EPN2: variants seen among roughly 807,000 people sequenced by gnomAD.
EPN2 encodes the protein epsin 2, also known as epsin-2.
In EPN2, 34 loss-of-function variants were observed where a neutral mutation model predicts 61.7. The observed-to-expected ratio is 0.55, with a 90% CI of 0.42 to 0.73. The LOEUF (loss-of-function observed/expected upper bound fraction) is 0.73, where lower values mean the gene tolerates loss of function less well. Ranked by LOEUF, EPN2 falls within the 30% of genes least tolerant of loss-of-function variation. The pLI is 0.00. For synonymous variants in EPN2, 349 were observed against 353.6 expected (o/e 0.99, Z 0.15); for missense variants, 714 against 839.2 (o/e 0.85, Z 1.84).
At position 19,283,213 on chromosome 17, in the gene EPN2, C is replaced by CCGTG; in HGVS notation, c.95_98dup (p.Trp33CysfsTer35). ...AGTCCGGGAAGCCACCTCCAATGAC[C>CCGTG]CGTGGGGCCCGTCCAGTTCTCTGAT... On this transcript the variant is annotated frameshift_variant, in exon 3 of 11. Transcript: ENST00000314728. LOFTEE classifies it high-confidence loss of function. This position sits in a 1 kb window ranked among gnomAD's most constrained non-coding sequence, Gnocchi z 7.0. 1 of 1,614,116 alleles carries CCGTG rather than the reference C, an allele frequency of 6.2e-7. No individual in the cohort carries two copies. Among genetic ancestry groups the CCGTG allele is most frequent in the Non-Finnish European group, 8.5e-7 (1 of 1,180,022 alleles).
At chr17:19,299,304 G>T (rs1398031033) in intron 4 of EPN2, among the ~76,000 whole-genome samples, 1 of 152,226 alleles carries the variant, frequency 6.6e-6, no homozygotes, top group Non-Finnish European at 1.5e-5. Flanking sequence ...AGAGATAAAT[G>T]ATTATCTTTG....
chr17:19,309,952 T>G lies in EPN2; in HGVS notation c.834T>G (p.Leu278=). 1 of 1,609,180 alleles carries G rather than the reference T, an allele frequency of 6.2e-7. No homozygotes were observed. The highest frequency in any genetic ancestry group is 8.5e-7 in the Non-Finnish European group (1 of 1,180,006). ...CCCAGACTAGTGGAGAAGAGGAGCT[T>G]CAGCTGCAGCTGGCACTTGCCATGA... ...ARPQTSGEEE[L]QLQLALAMSR... The change falls in exon 5 of 11, where the codon CTT becomes CTG. Residue 278 remains leucine, a synonymous_variant. Transcript: ENST00000314728.
chr17:19,249,675 G>A (rs529993301), intron 1 of EPN2: 2 of 152,484 alleles, frequency 1.3e-5, no homozygotes, highest in Admixed American at 6.5e-5. Flanking sequence ...GCTCACAGAT[G>A]TGTTTTGTTT....
At position 19,329,565 on chromosome 17, in the gene EPN2, C is replaced by A; in HGVS notation, c.1329C>A (p.Ser443=). Residue 443 remains serine (S), a synonymous_variant, in exon 9 of 11, where the codon TCC becomes TCA. Transcript: ENST00000314728. ...STTKPVSVSG[S]FELFSNLNGT... ...TTGGCTTCTGTGTCCACCCAGGGTC[C>A]TTTGAGCTCTTCAGTAATCTGAATG... 6.2e-7 allele frequency: 1 copy of A among 1,609,820 alleles called. No individual in the cohort carries two copies. Among genetic ancestry groups the A allele is most frequent in the Non-Finnish European group, 8.5e-7 (1 of 1,176,580 alleles).
intron 4 of EPN2, among the ~76,000 whole-genome samples, chr17:19,304,524 G>A (rs969041557): frequency 2.0e-5 from 3 of 152,208 alleles, no homozygotes; most frequent in African/African-American, 7.2e-5. Context: ...TGTGTGTGAC[G>A]TGGAGGGTGG....
At chr17:19,293,295 G>A (rs960131757) in intron 4 of EPN2, among the ~76,000 whole-genome samples, 2 of 150,578 alleles carry the variant, frequency 1.3e-5, no homozygotes, top group East Asian at 2.0e-4. Flanking sequence ...TGGGAGATTC[G>A]CTTGAACCTG....
At chr17:19,309,724 A>G (rs1598013657) in intron 4 of EPN2, among the ~76,000 whole-genome samples, 161 bp from the exon 5 acceptor site, 1 of 152,242 alleles carries the variant, frequency 6.6e-6, no homozygotes, top group East Asian at 1.9e-4. Context: ...TTAACATTCA[A>G]ATATTTGTAA....
chr17:19,288,663 C>A (rs978320200), intron 4 of EPN2, among the ~76,000 whole-genome samples: 1 of 152,070 alleles, frequency 6.6e-6, no homozygotes, highest in Non-Finnish European at 1.5e-5. Flanking sequence ...TGGAGCGTGG[C>A]AGAGGTGGGC....
At chr17:19,237,981 C>G (rs1008862367) in intron 1 of EPN2, among the ~76,000 whole-genome samples, 4 of 152,242 alleles carry the variant, frequency 2.6e-5, no homozygotes, top group South Asian at 4.1e-4. Flanking sequence ...CGCCAGCCCC[C>G]GTGCAGAGCC....
intron 4 of EPN2, among the ~76,000 whole-genome samples, chr17:19,298,153 C>T (rs1329218335): frequency 2.0e-5 from 3 of 151,938 alleles, no homozygotes; most frequent in Non-Finnish European, 2.9e-5. Context: ...GGATTACAGG[C>T]GTGAGCCACC....
At chr17:19,240,646 C>G (rs2044874480) in intron 1 of EPN2, among the ~76,000 whole-genome samples, 1 of 152,190 alleles carries the variant, frequency 6.6e-6, no homozygotes, top group South Asian at 2.1e-4. Flanking sequence ...TCGGTGTAAA[C>G]AGACCTCTTC....
At chr17:19,325,065 A>G (rs1258994386) in intron 7 of EPN2, among the ~76,000 whole-genome samples, 1 of 152,168 alleles carries the variant, frequency 6.6e-6, no homozygotes, top group Non-Finnish European at 1.5e-5. Flanking sequence ...ATAATAAAAA[A>G]CCTATAAATA....
At chr17:19,258,556 G>T (rs544002762) in intron 1 of EPN2, among the ~76,000 whole-genome samples, 1 of 152,134 alleles carries the variant, frequency 6.6e-6, no homozygotes, top group Non-Finnish European at 1.5e-5. Flanking sequence ...ACAGTTTATT[G>T]CCTCTCTTTT....
intron 7 of EPN2, among the ~76,000 whole-genome samples, chr17:19,324,582 C>T (rs1381001544): frequency 6.6e-6 from 1 of 152,178 alleles, no homozygotes; most frequent in Non-Finnish European, 1.5e-5. Context: ...ATCCACCCAC[C>T]TCGGCCTCCC....
intron 4 of EPN2, among the ~76,000 whole-genome samples, chr17:19,299,992 C>T (rs1026040208): frequency 4.1e-4 from 62 of 152,244 alleles, no homozygotes; most frequent in African/African-American, 1.4e-3. Flanking sequence ...GACGTGGCCC[C>T]TGCTTTCCGC....
chr17:19,255,686 A>G (rs534495175), intron 1 of EPN2, among the ~76,000 whole-genome samples: 1 of 149,572 alleles, frequency 6.7e-6, no homozygotes, highest in South Asian at 2.1e-4. Flanking sequence ...GTGGTGGCTC[A>G]CTCATAGCTC....
In EPN2 at chr17:19,256,789, T is replaced by C. The variant is rs976318516; in HGVS notation, c.-294+19258T>C. Among the ~76,000 whole-genome samples the C allele has an allele frequency of 1.2e-4, 18 of 152,332 alleles. No homozygotes were observed. The East Asian group carries it at 3.1e-3, about 26-fold the overall frequency. Reference sequence around the variant, plus strand: ...GGCACAGCTTTGTAACAGGGTCTTCTGGGCCTTTCAGGACCCAAGTCCCAC... The same window carrying C: ...GGCACAGCTTTGTAACAGGGTCTTCCGGGCCTTTCAGGACCCAAGTCCCAC... On this transcript the variant is annotated intron_variant, in intron 1 of 10. Transcript: ENST00000314728.
chr17:19,305,510 A>G (rs1001504273), intron 4 of EPN2, among the ~76,000 whole-genome samples: 2 of 152,240 alleles, frequency 1.3e-5, no homozygotes, highest in Admixed American at 6.5e-5. Flanking sequence ...AATCAGCACT[A>G]TGTGACTGGC....
At chr17:19,293,396 G>T (rs1458713067) in intron 4 of EPN2, among the ~76,000 whole-genome samples, 2 of 151,368 alleles carry the variant, frequency 1.3e-5, no homozygotes, top group Admixed American at 6.6e-5. Flanking sequence ...AAAAGACAGG[G>T]TCTTGCTCTG....
Sources: allele counts gnomAD v4.1 joint callset (sites outside exome capture counted in the v4.1 genomes callset), GRCh38; gene constraint gnomAD v4.1.1; non-coding constraint Gnocchi (gnomAD v3.1); transcripts MANE v1.5; gene names NCBI Gene and HGNC (gene_info 2026-07-23, HGNC 2026-07-21).